MUSK: variants seen among roughly 807,000 people sequenced by gnomAD.
MUSK encodes the protein muscle associated receptor tyrosine kinase.
In MUSK, 55 loss-of-function variants were observed where a neutral mutation model predicts 88.7. The observed-to-expected ratio is 0.62, with a 90% CI of 0.50 to 0.78. The LOEUF (loss-of-function observed/expected upper bound fraction) is 0.78, where lower values mean the gene tolerates loss of function less well. Among genes scored for constraint, MUSK ranks in the 30% least tolerant of loss-of-function variants. The pLI, the probability that MUSK is intolerant of heterozygous loss-of-function variation, is 0.00. For missense variants in MUSK, 1,015 were observed against 1,074.3 expected, an observed-to-expected ratio of 0.94 and a Z score of 0.77; for synonymous variants, 387 against 391.9, an observed-to-expected ratio of 0.99 and a Z score of 0.15.
At chr9:110,686,108 T>C (rs1010493220) in intron 2 of MUSK, among the ~76,000 whole-genome samples, 4 of 151,884 alleles carry the variant, frequency 2.6e-5, no homozygotes, top group Admixed American at 1.3e-4. Flanking sequence ...CAGGGCTGAG[T>C]TCCTTCTGGA....
chr9:110,768,845 T>C (rs562724987), intron 9 of MUSK, among the ~76,000 whole-genome samples: 7 of 152,196 alleles, frequency 4.6e-5, no homozygotes, highest in Non-Finnish European at 1.0e-4. Context: ...ATTTGGGTGG[T>C]TATAGGAAGG....
intron 11 of MUSK, among the ~76,000 whole-genome samples, chr9:110,781,801 A>G (rs1335740682): frequency 6.6e-6 from 1 of 152,148 alleles, no homozygotes; most frequent in African/African-American, 2.4e-5. Context: ...GACCTCTTTT[A>G]TAAGGGCATT....
chr9:110,727,900 A>G (rs1245550592), intron 5 of MUSK, among the ~76,000 whole-genome samples: 1 of 152,130 alleles, frequency 6.6e-6, no homozygotes, highest in Non-Finnish European at 1.5e-5. Context: ...ATTTACATGA[A>G]CAAATAAAAC....
chr9:110,788,743 C>A (rs983422264), intron 14 of MUSK, among the ~76,000 whole-genome samples: 3 of 151,436 alleles, frequency 2.0e-5, no homozygotes, highest in Non-Finnish European at 4.4e-5. Context: ...ATATTAAGTT[C>A]TACAGACTTT....
chr9:110,806,255 CTAA>C lies in MUSK; in HGVS notation c.*5269_*5271del, dbSNP rs2078161046. 1.3e-5 allele frequency among the ~76,000 whole-genome samples: 2 copies of C among 152,060 alleles called. No individual in the cohort carries two copies. The highest frequency in any genetic ancestry group is 4.1e-4 in the South Asian group (2 of 4,826). On this transcript the variant is annotated 3_prime_UTR_variant, in exon 15 of 15. Coordinates refer to ENST00000374448, the MANE Select transcript of MUSK (RefSeq NM_005592.4). ...TCTTTTTCCTGAGATATGTTAACTT[CTAA>C]TGTTATATTGTTTATCACAACTTTC...
At chr9:110,682,854 T>C (rs960507234) in intron 2 of MUSK, 54 bp downstream of exon 2, 5 of 1,203,800 alleles carry the variant, frequency 4.2e-6, no homozygotes, top group Non-Finnish European at 5.8e-6. Context: ...ATAGTAGGTG[T>C]ATATATATGT....
At chr9:110,715,209 C>A (rs1206093214) in intron 5 of MUSK, among the ~76,000 whole-genome samples, 7 of 149,870 alleles carry the variant, frequency 4.7e-5, no homozygotes, top group Non-Finnish European at 1.0e-4. Flanking sequence ...AACTAGAAGA[C>A]CTGGCTTCAA....
intron 3 of MUSK, among the ~76,000 whole-genome samples, chr9:110,688,044 A>G (rs965292311): frequency 1.3e-5 from 2 of 152,020 alleles, no homozygotes; most frequent in African/African-American, 2.4e-5. Context: ...ACTGCCAAAC[A>G]CTAGTAGGTA....
chr9:110,679,356 C>T (rs1170988550), intron 1 of MUSK, among the ~76,000 whole-genome samples: 1 of 151,644 alleles, frequency 6.6e-6, no homozygotes, highest in Non-Finnish European at 1.5e-5. Flanking sequence ...ATGCATATGC[C>T]CCTATATTAC....
intron 8 of MUSK, among the ~76,000 whole-genome samples, chr9:110,764,501 C>A (rs1588009029): frequency 6.6e-6 from 1 of 151,734 alleles, no homozygotes; most frequent in Non-Finnish European, 1.5e-5. Flanking sequence ...TATTTCTGCA[C>A]AAGAGGAGAG....
At chr9:110,706,616 A>C (rs939361471) in intron 5 of MUSK, among the ~76,000 whole-genome samples, 1 of 152,110 alleles carries the variant, frequency 6.6e-6, no homozygotes, top group African/African-American at 2.4e-5. Flanking sequence ...TGGAATTTTC[A>C]GTGAGGGTTT....
At chr9:110,689,386 T>A (rs1359454153) in intron 3 of MUSK, among the ~76,000 whole-genome samples, 1 of 114,476 alleles carries the variant, frequency 8.7e-6, no homozygotes, top group African/African-American at 3.7e-5. Flanking sequence ...ATGTAAAAAA[T>A]ATAAAAATAT....
intron 3 of MUSK, among the ~76,000 whole-genome samples, chr9:110,694,679 C>T (rs1003462196): frequency 3.3e-5 from 5 of 152,034 alleles, no homozygotes; most frequent in Non-Finnish European, 7.4e-5. Context: ...AACTATTTTA[C>T]GAATAGTACT....
intron 7 of MUSK, among the ~76,000 whole-genome samples, chr9:110,751,948 T>C (rs947253310): frequency 2.0e-5 from 3 of 152,166 alleles, no homozygotes; most frequent in African/African-American, 7.2e-5. Flanking sequence ...AGAGTGGATA[T>C]GATAAATGAG....
At chr9:110,743,078 A>G (rs1391267974) in intron 6 of MUSK, among the ~76,000 whole-genome samples, 1 of 152,222 alleles carries the variant, frequency 6.6e-6, no homozygotes, top group East Asian at 1.9e-4. Context: ...CACAGAATGA[A>G]ACAGAGTTTG....
At chr9:110,751,177 C>T (rs751966433) in intron 7 of MUSK, among the ~76,000 whole-genome samples, 43 of 152,294 alleles carry the variant, frequency 2.8e-4, no homozygotes, top group Middle Eastern at 6.8e-3. Flanking sequence ...GCATGATTGC[C>T]ACCATACTAT....
chr9:110,781,008 G>A (rs977842340), intron 11 of MUSK, among the ~76,000 whole-genome samples: 1 of 150,874 alleles, frequency 6.6e-6, no homozygotes, highest in Non-Finnish European at 1.5e-5. Context: ...TTGCTGCAGG[G>A]CATAGTCCAA....
chr9:110,707,275 A>G (rs747560175), intron 5 of MUSK, among the ~76,000 whole-genome samples: 6 of 152,222 alleles, frequency 3.9e-5, no homozygotes, highest in Admixed American at 6.5e-5. Context: ...ACTGTTTTTT[A>G]TAGCTGGGGG....
intron 7 of MUSK, among the ~76,000 whole-genome samples, chr9:110,755,776 A>G (rs1342579475): frequency 2.0e-5 from 3 of 151,540 alleles, no homozygotes; most frequent in Non-Finnish European, 4.4e-5. Flanking sequence ...GGCATATTTA[A>G]GGAGAAGAGG....
Sources: allele counts gnomAD v4.1 joint callset (sites outside exome capture counted in the v4.1 genomes callset), GRCh38; gene constraint gnomAD v4.1.1; transcripts MANE v1.5; gene names NCBI Gene and HGNC (gene_info 2026-07-23, HGNC 2026-07-21).